TMPRSS11A: variants seen among roughly 807,000 people sequenced by gnomAD.
TMPRSS11A encodes transmembrane protease serine 11A.
A neutral mutation model predicts 58.9 loss-of-function variants in TMPRSS11A; 53 were observed. That is an observed-to-expected ratio of 0.90 (90% confidence interval 0.72 to 1.13). TMPRSS11A has a LOEUF of 1.13. Among genes scored for constraint, TMPRSS11A ranks in the 50% most tolerant of loss-of-function variants. The probability of loss-of-function intolerance (pLI) is 0.00; values close to 1 mark genes in which losing one functional copy is unlikely to be tolerated. For synonymous variants in TMPRSS11A, 167 were observed against 169.8 expected, an observed-to-expected ratio of 0.98 and a Z score of 0.13; for missense variants, 493 against 499.3, an observed-to-expected ratio of 0.99 and a Z score of 0.12.
At chr4:67,945,833 T>C (rs2109762194) in intron 2 of TMPRSS11A, among the ~76,000 whole-genome samples, 1 of 152,350 alleles carries the variant, frequency 6.6e-6, no homozygotes, top group Non-Finnish European at 1.5e-5. Context: ...AAAGAGAATC[T>C]TGAAGTGCAT....
chr4:67,947,021 A>C (rs557906494), intron 1 of TMPRSS11A, among the ~76,000 whole-genome samples: 8 of 152,288 alleles, frequency 5.3e-5, no homozygotes, highest in Non-Finnish European at 1.0e-4. Context: ...AAAAATTACT[A>C]AGAATAGTAT....
chr4:67,931,301 G>T (rs913767186), intron 4 of TMPRSS11A, among the ~76,000 whole-genome samples: 3 of 151,906 alleles, frequency 2.0e-5, no homozygotes, highest in Non-Finnish European at 4.4e-5. Context: ...GGTGAGAAAG[G>T]GATAATTATT....
intron 1 of TMPRSS11A, among the ~76,000 whole-genome samples, chr4:67,961,372 C>A (rs1721414846): frequency 6.6e-6 from 1 of 152,124 alleles, no homozygotes. Flanking sequence ...CTTCCAAATC[C>A]TAAATTAATA....
At chr4:67,959,498 C>G (rs1358140619) in intron 1 of TMPRSS11A, among the ~76,000 whole-genome samples, 2 of 152,104 alleles carry the variant, frequency 1.3e-5, no homozygotes, top group African/African-American at 4.8e-5. Flanking sequence ...CTTAAATCAA[C>G]AAACAAAAAA....
intron 1 of TMPRSS11A, among the ~76,000 whole-genome samples, chr4:67,960,132 A>G (rs576605961): frequency 6.6e-6 from 1 of 152,256 alleles, no homozygotes; most frequent in East Asian, 1.9e-4. Context: ...AGACATAAAC[A>G]CGGGAATAAT....
At chr4:67,945,116 A>G (rs922705803) in intron 2 of TMPRSS11A, among the ~76,000 whole-genome samples, 1 of 152,170 alleles carries the variant, frequency 6.6e-6, no homozygotes, top group African/African-American at 2.4e-5. Context: ...GATTTTTAAC[A>G]AGAGAGCCAG....
Position 67,961,482 on chromosome 4 carries a change from C to CTTTTTT in TMPRSS11A, c.11+1900_11+1901insAAAAAA, listed in dbSNP as rs1721418705. On this transcript the variant is annotated intron_variant, in intron 1 of 9. Coordinates refer to ENST00000508048, the MANE Select transcript of TMPRSS11A (RefSeq NM_001114387.2). ...CTTTTCTTTCCTTTCCTTTTCTTTT[C>CTTTTTT]CTTTTTTTTTTTTTTTTTTTTTTTT... Among the ~76,000 whole-genome samples the CTTTTTT allele has an allele frequency of 5.7e-4, 58 of 102,454 alleles. 19 individuals are homozygous for CTTTTTT. Among genetic ancestry groups the CTTTTTT allele is most frequent in the African/African-American group, 2.3e-3 (49 of 20,958 alleles). The allele number at this position is 102,454 out of a possible 152,430, so 67.2% of individuals were successfully genotyped here.
chr4:67,919,354 G>T, intron 7 of TMPRSS11A, 122 bp from the exon 8 acceptor site: 1 of 869,734 alleles, frequency 1.1e-6, no homozygotes, highest in Non-Finnish European at 1.7e-6. Flanking sequence ...TGCAGTTATA[G>T]TTTTCTTTTA....
intron 2 of TMPRSS11A, among the ~76,000 whole-genome samples, chr4:67,945,923 C>T (rs1720992203): frequency 6.6e-6 from 1 of 152,024 alleles, no homozygotes; most frequent in South Asian, 2.1e-4. Flanking sequence ...AATTTTTTTT[C>T]TCTAAAAATA....
intron 1 of TMPRSS11A, among the ~76,000 whole-genome samples, chr4:67,961,511 T>TTC (rs1721426980): frequency 1.4e-5 from 1 of 72,388 alleles, no homozygotes; most frequent in Non-Finnish European, 2.4e-5. Flanking sequence ...TTTTTTTTTT[T>TTC]TTTTTTTTTT....
At chr4:67,952,559 A>G (rs1272553359) in intron 1 of TMPRSS11A, among the ~76,000 whole-genome samples, 1 of 152,154 alleles carries the variant, frequency 6.6e-6, no homozygotes, top group Non-Finnish European at 1.5e-5. Flanking sequence ...AAAAGGTTAG[A>G]ATTCCTTTCC....
intron 1 of TMPRSS11A, among the ~76,000 whole-genome samples, chr4:67,961,771 C>T (rs988950025): frequency 2.0e-5 from 3 of 151,996 alleles, no homozygotes; most frequent in East Asian, 1.9e-4. Flanking sequence ...CCTCGGCCTC[C>T]GAAAGTGCTG....
intron 5 of TMPRSS11A, among the ~76,000 whole-genome samples, chr4:67,924,747 T>C (rs1421244086): frequency 2.0e-5 from 3 of 152,168 alleles, no homozygotes; most frequent in African/African-American, 2.4e-5. Context: ...TCTCATTCAC[T>C]ACCATAGAAC....
intron 1 of TMPRSS11A, among the ~76,000 whole-genome samples, chr4:67,962,210 A>G (rs967010778): frequency 2.2e-4 from 34 of 152,284 alleles, no homozygotes; most frequent in Admixed American, 4.6e-4. Context: ...TTATGTTTGA[A>G]GCATTGAAGA....
intron 2 of TMPRSS11A, among the ~76,000 whole-genome samples, chr4:67,945,809 G>A (rs1259957546): frequency 6.6e-6 from 1 of 152,194 alleles, no homozygotes; most frequent in Non-Finnish European, 1.5e-5. Context: ...TCCCCAGAAA[G>A]AGACTGAATG....
chr4:67,934,456 T>C (rs1015841753), intron 3 of TMPRSS11A, among the ~76,000 whole-genome samples: 10 of 152,182 alleles, frequency 6.6e-5, no homozygotes, highest in African/African-American at 2.2e-4. Context: ...GAGAAACTTA[T>C]ATATTTAAAG....
chr4:67,911,239 C>T lies in TMPRSS11A; in HGVS notation c.*103G>A. On this transcript the variant is annotated 3_prime_UTR_variant, in exon 10 of 10. Coordinates refer to ENST00000508048, the MANE Select transcript of TMPRSS11A (RefSeq NM_001114387.2). ...GTTGTGTGTTTCATGTTACTAGATC[C>T]AGTAATTTAATATCACTTTGTTGTA... 2 of 999,170 alleles carry T rather than the reference C, an allele frequency of 2.0e-6. No homozygotes were observed. The highest frequency in any genetic ancestry group is 2.1e-5 in the South Asian group (1 of 47,544). 61.9% of individuals were successfully genotyped at this position (999,170 alleles called of 1,614,324 possible).
chr4:67,929,408 C>G (rs1219114967), intron 5 of TMPRSS11A, among the ~76,000 whole-genome samples: 1 of 152,172 alleles, frequency 6.6e-6, no homozygotes, highest in Admixed American at 6.5e-5. Context: ...ATGACTCTAA[C>G]AACTTCAAAG....
At chr4:67,946,193 T>C (rs1720997783) in intron 2 of TMPRSS11A, among the ~76,000 whole-genome samples, 1 of 151,974 alleles carries the variant, frequency 6.6e-6, no homozygotes, top group South Asian at 2.1e-4. Flanking sequence ...AAAAGAATTC[T>C]GGGTTGAGAG....
Sources: allele counts gnomAD v4.1 joint callset (sites outside exome capture counted in the v4.1 genomes callset), GRCh38; gene constraint gnomAD v4.1.1; transcripts MANE v1.5; gene names NCBI Gene and HGNC (gene_info 2026-07-23, HGNC 2026-07-21).